Variants in ATP11C observed in about 807,000 individuals in gnomAD.
The protein encoded by ATP11C is phospholipid-transporting ATPase IG.
Under a neutral mutation model 97.4 loss-of-function variants are expected in ATP11C, and 36 were observed. That is an observed-to-expected ratio of 0.37 (90% CI 0.28 to 0.49). The LOEUF (loss-of-function observed/expected upper bound fraction) is 0.49. Ranked by LOEUF, ATP11C falls within the 20% of genes least tolerant of loss-of-function variation. The pLI is 0.98. For missense variants in ATP11C, 730 were observed against 824.6 expected (o/e 0.89, Z 1.40); for synonymous variants, 275 against 290.9 (o/e 0.95, Z 0.56).
intron 5 of ATP11C, among the ~76,000 whole-genome samples, chrX:139,806,681 A>T (rs1412980188): frequency 8.9e-6 from 1 of 111,798 alleles, no homozygotes. Flanking sequence ...GCTCTTCTCT[A>T]GAGGCTTCTA....
chrX:139,819,569 T>C (rs2083360151), intron 2 of ATP11C, 142 bp from the exon 3 acceptor site: 1 of 301,519 alleles, frequency 3.3e-6, no homozygotes, highest in Non-Finnish European at 6.0e-6. Context: ...CTCACACATA[T>C]ACATAAGCAT....
At position 139,798,274 on chromosome X, in the gene ATP11C, T is replaced by C; in HGVS notation, c.856A>G (p.Lys286Glu). Residue 286 changes from lysine to glutamate, a missense_variant and splice_region_variant, in exon 10 of 30, where the codon AAA becomes GAA. Transcript: ENST00000682941. ...AAATAAATTGTGGCGCATACTAACT[T>C]TTCAACAGCAGAACGTTTCTGAGAT... ...GKSQKRSAVE[K>E]SINAFLIVYL... 1 of 1,204,183 alleles carries C rather than the reference T, an allele frequency of 8.3e-7. No individual in the cohort carries two copies. The highest frequency in any genetic ancestry group is 1.1e-6 in the Non-Finnish European group (1 of 891,945).
chrX:139,783,097 C>T, intron 17 of ATP11C, 67 bp downstream of exon 17: 1 of 761,777 alleles, frequency 1.3e-6, no homozygotes, highest in Non-Finnish European at 1.9e-6. Context: ...AACAGAAATC[C>T]AATAAACATA....
At chrX:139,860,542 G>A (rs2084170524) in intron 1 of ATP11C, among the ~76,000 whole-genome samples, 1 of 111,986 alleles carries the variant, frequency 8.9e-6, no homozygotes, top group Non-Finnish European at 1.9e-5. Flanking sequence ...TTCAGGCTGG[G>A]TGCAGTGGCT....
chrX:139,750,220 T>A, intron 23 of ATP11C, 68 bp from the exon 24 acceptor site: 1 of 1,041,212 alleles, frequency 9.6e-7, no homozygotes, highest in Non-Finnish European at 1.3e-6. Context: ...ATGATACTTA[T>A]GTATGTGAAA....
chrX:139,879,937 TG>T (rs1056748267), intron 1 of ATP11C, among the ~76,000 whole-genome samples: 8 of 111,081 alleles, frequency 7.2e-5, no homozygotes, highest in African/African-American at 2.6e-4. Flanking sequence ...ACTTCTGGGG[TG>T]GCTGACAAAG....
intron 5 of ATP11C, among the ~76,000 whole-genome samples, chrX:139,813,894 C>G (rs917791686): frequency 2.1e-4 from 23 of 110,837 alleles, no homozygotes; most frequent in African/African-American, 5.6e-4. Context: ...TAACAAAACC[C>G]ACAGAATGTA....
At chrX:139,742,877 ATATATATATAT>A (rs1387207636) in intron 26 of ATP11C, among the ~76,000 whole-genome samples, 25 of 68,358 alleles carry the variant, frequency 3.7e-4, no homozygotes, top group East Asian at 1.1e-3. Flanking sequence ...AAAAAAAAAA[ATATATATATAT>A]ATATATATAT....
Position 139,743,576 on chromosome X carries a change from A to G in ATP11C, c.3013T>C (p.Phe1005Leu). 1.7e-6 allele frequency: 2 copies of G among 1,172,934 alleles called. No homozygotes were observed. Among genetic ancestry groups the G allele is most frequent in the Non-Finnish European group, 2.3e-6 (2 of 870,769 alleles). The change falls in exon 26 of 30, where the codon TTC (phenylalanine) becomes CTC (leucine). Residue 1005 changes from phenylalanine (F) to leucine (L), a missense_variant. Coordinates refer to ENST00000682941, the MANE Select transcript of ATP11C (RefSeq NM_001353812.2). Reference sequence around the variant, plus strand: ...AATCTAACCTTCAGGGTTACAGTGAATACTAAGACTGTAAAAACAATGGTT... The same window carrying G: ...AATCTAACCTTCAGGGTTACAGTGAGTACTAAGACTGTAAAAACAATGGTT... ...FGTIVFTVLV[F>L]TVTLKLALDT... is the part of the protein sequence containing the mutation.
intron 24 of ATP11C, among the ~76,000 whole-genome samples, chrX:139,746,637 CAAATA>C (rs760108124): frequency 5.4e-5 from 6 of 111,456 alleles, no homozygotes; most frequent in African/African-American, 2.0e-4. Context: ...TCCATCAAGT[CAAATA>C]ACATGTTTGC....
chrX:139,834,696 A>G (rs2083721064), intron 1 of ATP11C, among the ~76,000 whole-genome samples: 1 of 112,229 alleles, frequency 8.9e-6, no homozygotes. Context: ...GCCTTTGAGT[A>G]CTGCCAACTA....
At chrX:139,812,002 A>G (rs1316262508) in intron 5 of ATP11C, among the ~76,000 whole-genome samples, 1 of 111,583 alleles carries the variant, frequency 9.0e-6, no homozygotes, top group Non-Finnish European at 1.9e-5. Context: ...TATCTCTCTG[A>G]TTGCACATTC....
chrX:139,833,530 A>T (rs1046511156), intron 1 of ATP11C, among the ~76,000 whole-genome samples: 17 of 110,097 alleles, frequency 1.5e-4, no homozygotes, highest in East Asian at 1.4e-3. Flanking sequence ...CGAAAAAAAA[A>T]TTTTTTTTAA....
In ATP11C at chrX:139,915,396, G is replaced by A. The variant is rs927471731; in HGVS notation, c.27+16620C>T. Among the ~76,000 whole-genome samples, 4 of 111,789 alleles carry A rather than the reference G, an allele frequency of 3.6e-5. No individual in the cohort carries two copies. The Admixed American group carries it at 3.8e-4, about 11-fold the overall frequency. On this transcript the variant is annotated intron_variant, in intron 1 of 29. Coordinates refer to ENST00000682941, the MANE Select transcript of ATP11C (RefSeq NM_001353812.2). ...AAAGGACTTAAAAATTACACCTGGC[G>A]TAGTGGCTCACACCTATAATCTCAG...
chrX:139,820,486 T>C (rs1013865744), intron 2 of ATP11C, among the ~76,000 whole-genome samples: 2 of 111,288 alleles, frequency 1.8e-5, no homozygotes. Flanking sequence ...AGCTAACCTC[T>C]GGAGTCTTGA....
At chrX:139,901,281 G>A (rs2084895771) in intron 1 of ATP11C, among the ~76,000 whole-genome samples, 1 of 111,817 alleles carries the variant, frequency 8.9e-6, no homozygotes, top group East Asian at 2.8e-4. Context: ...AGGTTTGGAA[G>A]TTGACTGGAA....
intron 29 of ATP11C, among the ~76,000 whole-genome samples, chrX:139,731,146 A>G (rs918511455): frequency 2.7e-5 from 3 of 111,722 alleles, no homozygotes; most frequent in Non-Finnish European, 5.7e-5. Context: ...CAAGGACATA[A>G]GTGTATACAG....
chrX:139,766,664 C>T (rs2082144729), intron 20 of ATP11C, among the ~76,000 whole-genome samples: 1 of 111,514 alleles, frequency 9.0e-6, no homozygotes, highest in Non-Finnish European at 1.9e-5. Context: ...CAGACACAGC[C>T]ATCCCCTTGT....
chrX:139,842,850 A>G (rs1053121305), intron 1 of ATP11C, among the ~76,000 whole-genome samples: 23 of 111,993 alleles, frequency 2.1e-4, no homozygotes, highest in African/African-American at 7.1e-4. Context: ...TTTCAGTTGT[A>G]TACTGTGCTT....
Sources: allele counts gnomAD v4.1 joint callset (sites outside exome capture counted in the v4.1 genomes callset), GRCh38; gene constraint gnomAD v4.1.1; transcripts MANE v1.5; gene names NCBI Gene and HGNC (gene_info 2026-07-23, HGNC 2026-07-21).